The following FER variants were observed in gnomAD, a reference collection of about 807,000 sequenced individuals.
FER encodes FER tyrosine kinase.
Under a neutral mutation model 111.0 loss-of-function variants are expected in FER, and 63 were observed. That is an observed-to-expected ratio of 0.57 (90% CI 0.46 to 0.70). The LOEUF is 0.70. Ranked by LOEUF, FER falls within the 30% of genes least tolerant of loss-of-function variation. FER has a pLI of 0.00. For missense variants in FER, 914 were observed against 954.0 expected (o/e 0.96, Z 0.55); for synonymous variants, 327 against 313.9 (o/e 1.04, Z -0.44).
intron 9 of FER, among the ~76,000 whole-genome samples, chr5:108,891,785 A>G (rs1173953909): frequency 2.0e-5 from 3 of 151,738 alleles, no homozygotes; most frequent in Non-Finnish European, 1.5e-5. Context: ...ATTTAACATT[A>G]GGTATATCTC....
chr5:109,048,080 T>C lies in FER; in HGVS notation c.1924+882T>C, dbSNP rs3797829. Among the ~76,000 whole-genome samples, 25 of 152,330 alleles carry C rather than the reference T, an allele frequency of 1.6e-4. No homozygotes were observed. In the East Asian group the frequency reaches 4.8e-3, roughly 29 times the overall value. ...ACTTTTAACAATTATTTACTCATTT[T>C]AGGAGAAATTTAAAGAAATATGTAA... On this transcript the variant is annotated intron_variant, in intron 16 of 19. Coordinates refer to ENST00000281092, the MANE Select transcript of FER (RefSeq NM_005246.4).
chr5:109,118,401 G>A lies in FER; in HGVS notation c.2048+17882G>A, dbSNP rs548563661. On this transcript the variant is annotated intron_variant, in intron 17 of 19. Transcript: ENST00000281092. The stretch of plus-strand genomic sequence containing the variant: ...AGCTTTTTGATGTGCTGCTGGATTC[G>A]GCTTGCCAGCATTTTATTGAGGATT... 1.2e-4 allele frequency among the ~76,000 whole-genome samples: 19 copies of A among 152,178 alleles called. No individual in the cohort carries two copies. In the South Asian group the frequency reaches 2.3e-3, roughly 18 times the overall value.
intron 16 of FER, among the ~76,000 whole-genome samples, chr5:109,092,282 G>A (rs1581990886): frequency 2.1e-5 from 1 of 47,750 alleles, no homozygotes; most frequent in Non-Finnish European, 3.8e-5. Flanking sequence ...ACCTTATGAT[G>A]GCAAAAAAAA....
At position 108,946,220 on chromosome 5, in the gene FER, G is replaced by C. The variant is rs34259824; in HGVS notation, c.1327G>C (p.Ala443Pro). Residue 443 changes from alanine to proline, a missense_variant and splice_region_variant, in exon 11 of 20, where the codon GCA becomes CCA. Around this residue, in one of 3 missense-constraint regions of FER, gnomAD observed 774 missense variants for 782.6 expected, o/e 0.99. Coordinates refer to ENST00000281092, the MANE Select transcript of FER (RefSeq NM_005246.4). The part of the protein sequence containing the change: ...RSPKSALGSS[A>P]LSDMISISEK... ...TCCAAAATCTGCACTGGGCTCTTCA[G>C]CAGTAAGTAGGATTAACTCTCTGTG... The C allele has an allele frequency of 9.8e-5, 158 of 1,607,214 alleles. No individual in the cohort carries two copies. The highest frequency in any genetic ancestry group is 1.2e-4 in the Non-Finnish European group (144 of 1,175,022).
rs1759765091 is a variant in FER, at chr5:109,196,648, AC to A, written c.*9074del. 6.6e-6 allele frequency: 1 copy of A among 152,210 alleles called. No homozygotes were observed. The highest frequency in any genetic ancestry group is 1.5e-5 in the Non-Finnish European group (1 of 68,026). 9.4% of individuals were successfully genotyped at this position (152,210 alleles called of 1,614,324 possible). Reference sequence around the variant, plus strand: ...GTTAGTTTTTACATTCAAAAGAAATACACTTTGAACTTTGGCTAACATTGTA... The same window carrying A: ...GTTAGTTTTTACATTCAAAAGAAATAACTTTGAACTTTGGCTAACATTGTA... On this transcript the variant is annotated 3_prime_UTR_variant, in exon 20 of 20. Coordinates refer to ENST00000281092, the MANE Select transcript of FER (RefSeq NM_005246.4).
intron 10 of FER, among the ~76,000 whole-genome samples, chr5:108,912,536 A>G (rs991397007): frequency 6.6e-6 from 1 of 151,988 alleles, no homozygotes; most frequent in African/African-American, 2.4e-5. Context: ...TAATTTTTGT[A>G]TTTTTAGTAG....
intron 10 of FER, among the ~76,000 whole-genome samples, chr5:108,945,537 C>T (rs1162467790): frequency 1.3e-5 from 2 of 151,840 alleles, no homozygotes; most frequent in African/African-American, 4.8e-5. Context: ...GGTATGTCTG[C>T]CATTACCTTC....
chr5:109,156,889 G>T (rs1317459991), intron 17 of FER, among the ~76,000 whole-genome samples: 1 of 151,990 alleles, frequency 6.6e-6, no homozygotes, highest in Admixed American at 6.6e-5. Flanking sequence ...GAAAGGAGGT[G>T]AAGTAATAGA....
chr5:109,128,943 A>G (rs1268600451), intron 17 of FER, among the ~76,000 whole-genome samples: 1 of 152,110 alleles, frequency 6.6e-6, no homozygotes, highest in Non-Finnish European at 1.5e-5. Flanking sequence ...AGCTATAGTA[A>G]TTAAAGCAAC....
intron 10 of FER, among the ~76,000 whole-genome samples, chr5:108,942,623 G>A (rs1445590503): frequency 6.6e-6 from 1 of 152,106 alleles, no homozygotes; most frequent in African/African-American, 2.4e-5. Flanking sequence ...GATGGGAATA[G>A]AAGCTATCTA....
At chr5:108,988,870 G>T (rs1762855478) in intron 13 of FER, among the ~76,000 whole-genome samples, 1 of 152,070 alleles carries the variant, frequency 6.6e-6, no homozygotes, top group East Asian at 1.9e-4. Flanking sequence ...TTCTTTAGGT[G>T]TGACCTTAGA....
At chr5:108,860,942 T>C (rs1051717096) in intron 5 of FER, among the ~76,000 whole-genome samples, 1 of 152,136 alleles carries the variant, frequency 6.6e-6, no homozygotes, top group Non-Finnish European at 1.5e-5. Context: ...CCACCAGATC[T>C]TCTGAGAACT....
chr5:108,898,433 C>G (rs1480653914), intron 10 of FER, among the ~76,000 whole-genome samples: 1 of 151,708 alleles, frequency 6.6e-6, no homozygotes, highest in African/African-American at 2.4e-5. Context: ...CACTCCTCTC[C>G]TTTCTTCTCT....
At position 108,809,136 on chromosome 5, in the gene FER, C is replaced by T. The variant is rs189361615; in HGVS notation, c.207+10747C>T. ...TTTTTTTGTATGTGGATATCTACCT[C>T]TCCAGTAAGATTAGGGAAACTTTTT... On this transcript the variant is annotated intron_variant, in intron 3 of 19. Transcript: ENST00000281092. 1.2e-4 allele frequency among the ~76,000 whole-genome samples: 18 copies of T among 152,280 alleles called. No homozygotes were observed. The East Asian group carries it at 2.9e-3, about 25-fold the overall frequency.
At chr5:109,166,384 C>G (rs895988298) in intron 17 of FER, among the ~76,000 whole-genome samples, 2 of 152,102 alleles carry the variant, frequency 1.3e-5, no homozygotes, top group African/African-American at 4.8e-5. Flanking sequence ...CAACAGCTTT[C>G]TATCAGGTGT....
chr5:109,132,026 C>T (rs1326802552), intron 17 of FER, among the ~76,000 whole-genome samples: 4 of 152,028 alleles, frequency 2.6e-5, no homozygotes, highest in African/African-American at 9.7e-5. Flanking sequence ...GATAAATGTA[C>T]CTAAAGTATG....
intron 13 of FER, among the ~76,000 whole-genome samples, chr5:108,993,866 C>A (rs903265548): frequency 6.6e-6 from 1 of 152,076 alleles, no homozygotes; most frequent in Non-Finnish European, 1.5e-5. Context: ...ATTTGCATTT[C>A]TCTAATGATC....
At chr5:108,998,504 A>G (rs527802181) in intron 13 of FER, among the ~76,000 whole-genome samples, 22 of 152,294 alleles carry the variant, frequency 1.4e-4, no homozygotes, top group African/African-American at 4.8e-4. Context: ...TCCCAGTGAG[A>G]TGAACCGGAT....
chr5:108,891,272 T>C (rs887493913), intron 9 of FER, among the ~76,000 whole-genome samples: 1 of 152,176 alleles, frequency 6.6e-6, no homozygotes, highest in African/African-American at 2.4e-5. Flanking sequence ...ACTCTTTATA[T>C]ATTCTAGAGC....
Sources: allele counts gnomAD v4.1 joint callset (sites outside exome capture counted in the v4.1 genomes callset), GRCh38; gene constraint gnomAD v4.1.1; regional missense constraint gnomAD v4.1.1; transcripts MANE v1.5; gene names NCBI Gene and HGNC (gene_info 2026-07-23, HGNC 2026-07-21).